MDGA2: variants seen among roughly 807,000 people sequenced by gnomAD.
MDGA2 encodes MAM domain-containing glycosylphosphatidylinositol anchor protein 2.
MDGA2 carries 40 observed loss-of-function variants against 117.8 expected under a neutral mutation model. That is an observed-to-expected ratio of 0.34 (90% CI 0.26 to 0.44). The LOEUF (loss-of-function observed/expected upper bound fraction) is 0.44, where lower values mean the gene tolerates loss of function less well. MDGA2 is among the 20% of genes least tolerant of loss of function. The pLI is 1.00. For missense variants in MDGA2, 1,123 were observed against 1,250.6 expected (o/e 0.90, Z 1.54); for synonymous variants, 452 against 439.0 (o/e 1.03, Z -0.37).
chr14:47,438,174 G>A (rs17092686), intron 1 of MDGA2, among the ~76,000 whole-genome samples: 1,747 of 152,236 alleles, frequency 0.011, 39 homozygotes, highest in African/African-American at 0.039. Flanking sequence ...TTAACCATCT[G>A]TGCATTGATT....
At chr14:47,011,951 A>G (rs914721606) in intron 8 of MDGA2, among the ~76,000 whole-genome samples, 4 of 151,738 alleles carry the variant, frequency 2.6e-5, no homozygotes, top group African/African-American at 9.7e-5. Flanking sequence ...CATAATGTCA[A>G]AGTGTTCAGT....
intron 8 of MDGA2, among the ~76,000 whole-genome samples, chr14:46,964,962 C>G: frequency 1.0e-5 from 1 of 99,180 alleles, no homozygotes; most frequent in South Asian, 3.3e-4. Flanking sequence ...CTCGCTCTGT[C>G]GTCCAGGCTG....
At chr14:47,315,981 C>T (rs1243112606) in intron 1 of MDGA2, among the ~76,000 whole-genome samples, 1 of 151,714 alleles carries the variant, frequency 6.6e-6, no homozygotes, top group Non-Finnish European at 1.5e-5. Flanking sequence ...GTTATAAAGT[C>T]TCCAATGATA....
In MDGA2 at chr14:47,098,592, A is replaced by G. The variant is rs561923879; in HGVS notation, c.926-1469T>C. Among the ~76,000 whole-genome samples, 6 of 152,020 alleles carry G rather than the reference A, an allele frequency of 3.9e-5. No homozygotes were observed. In the East Asian group the frequency reaches 1.2e-3, roughly 29 times the overall value. ...TGATGGAGGACAGTACTAATTAAAT[A>G]TTCTGAAAATAGATATTATACTTAA... On this transcript the variant is annotated intron_variant, in intron 5 of 16. Transcript: ENST00000399232.
intron 1 of MDGA2, among the ~76,000 whole-genome samples, chr14:47,537,574 TAAAAAAAAAAAAAAAAAA>T (rs58060138): frequency 5.2e-4 from 19 of 36,634 alleles, no homozygotes; most frequent in Middle Eastern, 0.023. Flanking sequence ...TTCTCTCTGT[TAAAAAAAAAAAAAAAAAA>T]AAAAAAAAAA....
rs1048713404 is a variant in MDGA2 at position 47,182,169 on chromosome 14, C to T, written c.595+35852G>A. ...GATATCAGGATAATTATTCTTATCT[C>T]TTTATATAGAATACTCTAAAGGGGT... On this transcript the variant is annotated intron_variant, in intron 3 of 16. Coordinates refer to ENST00000399232, the MANE Select transcript of MDGA2 (RefSeq NM_001113498.3). 3.3e-5 allele frequency among the ~76,000 whole-genome samples: 5 copies of T among 151,902 alleles called. 1 individual carries two copies. The highest frequency in any genetic ancestry group is 3.3e-4 in the Admixed American group (5 of 15,236).
At chr14:47,367,503 G>A (rs868833652) in intron 1 of MDGA2, among the ~76,000 whole-genome samples, 6 of 152,158 alleles carry the variant, frequency 3.9e-5, no homozygotes, top group Non-Finnish European at 7.4e-5. Flanking sequence ...ATGTCACAAC[G>A]ACCAAAAATA....
chr14:47,522,962 T>C (rs926889384), intron 1 of MDGA2, among the ~76,000 whole-genome samples: 2 of 152,194 alleles, frequency 1.3e-5, no homozygotes, highest in African/African-American at 4.8e-5. Context: ...CATTAAACAT[T>C]CAAGAACGTT....
intron 2 of MDGA2, among the ~76,000 whole-genome samples, chr14:47,222,568 C>T (rs1053832159): frequency 2.0e-5 from 3 of 152,014 alleles, no homozygotes; most frequent in African/African-American, 7.2e-5. Flanking sequence ...AGAGGAAATA[C>T]AGGACAAACT....
In MDGA2 at chr14:46,855,234, CT is replaced by C; in HGVS notation, c.2753-81del. On this transcript the variant is annotated intron_variant, in intron 14 of 16. Coordinates refer to ENST00000399232, the MANE Select transcript of MDGA2 (RefSeq NM_001113498.3). The surrounding 1 kb of genome is among the most constrained non-coding windows in gnomAD (Gnocchi z 4.1). The stretch of plus-strand genomic sequence containing the variant: ...TTTTCCTTGACCAAACACTTGTAAA[CT>C]TTTTAAACTGAAATTTTACAGAACA... The C allele has an allele frequency of 1.6e-6, 2 of 1,224,690 alleles. No individual in the cohort carries two copies. The highest frequency in any genetic ancestry group is 1.1e-6 in the Non-Finnish European group (1 of 875,660). 75.9% of individuals were successfully genotyped at this position (1,224,690 alleles called of 1,614,324 possible). A position where few individuals can be genotyped will look rare whatever the true frequency, so the allele number is the denominator to read the frequency against.
intron 2 of MDGA2, among the ~76,000 whole-genome samples, chr14:47,251,268 T>G (rs1224680811): frequency 6.6e-6 from 1 of 152,162 alleles, no homozygotes; most frequent in East Asian, 1.9e-4. Context: ...TCCTGCCTCA[T>G]ACATCTCACC....
intron 2 of MDGA2, among the ~76,000 whole-genome samples, chr14:47,230,678 C>T (rs1209796075): frequency 1.3e-5 from 2 of 151,884 alleles, no homozygotes; most frequent in Non-Finnish European, 2.9e-5. Flanking sequence ...ATATGGGTAC[C>T]TTGCAACACT....
At chr14:47,594,858 G>A (rs1896505903) in intron 1 of MDGA2, among the ~76,000 whole-genome samples, 1 of 152,162 alleles carries the variant, frequency 6.6e-6, no homozygotes, top group South Asian at 2.1e-4. Flanking sequence ...TAAGTTGCTT[G>A]TAGCACAATG....
chr14:47,432,869 G>T (rs1034448684), intron 1 of MDGA2, among the ~76,000 whole-genome samples: 2 of 152,012 alleles, frequency 1.3e-5, no homozygotes, highest in Non-Finnish European at 2.9e-5. Context: ...TTTTGAAGAA[G>T]AATAATTAGT....
chr14:47,354,809 A>C (rs1425889937), intron 1 of MDGA2, among the ~76,000 whole-genome samples: 1 of 152,216 alleles, frequency 6.6e-6, no homozygotes, highest in Admixed American at 6.5e-5. Context: ...GTCACTGGTA[A>C]TCTAGATCTG....
intron 1 of MDGA2, among the ~76,000 whole-genome samples, chr14:47,474,013 T>C (rs1253369216): frequency 6.6e-6 from 1 of 152,144 alleles, no homozygotes; most frequent in African/African-American, 2.4e-5. Flanking sequence ...ATAAAGGGTA[T>C]TCAAATAGGA....
At chr14:46,986,160 T>C (rs1886852400) in intron 8 of MDGA2, among the ~76,000 whole-genome samples, 1 of 152,112 alleles carries the variant, frequency 6.6e-6, no homozygotes, top group South Asian at 2.1e-4. Context: ...TTTTTGCTTA[T>C]AGTGTTGGCA....
intron 1 of MDGA2, among the ~76,000 whole-genome samples, chr14:47,624,242 G>C (rs914255180): frequency 2.0e-5 from 3 of 152,176 alleles, no homozygotes; most frequent in Admixed American, 6.5e-5. Context: ...CGGATCACCT[G>C]AGGTCAGGAG....
At chr14:47,352,765 T>A (rs1890911867) in intron 1 of MDGA2, among the ~76,000 whole-genome samples, 1 of 152,220 alleles carries the variant, frequency 6.6e-6, no homozygotes, top group Non-Finnish European at 1.5e-5. Flanking sequence ...AATCTTTTTT[T>A]TGTGGTGATT....
Sources: gnomAD v4.1 joint callset for allele counts (sites outside exome capture counted in the v4.1 genomes callset) on GRCh38, gnomAD v4.1.1 for gene constraint, Gnocchi (gnomAD v3.1) non-coding constraint, MANE v1.5 for transcripts, NCBI Gene and HGNC (gene_info 2026-07-23, HGNC 2026-07-21) for gene names.